The following AFG2A variants were observed in gnomAD, a reference collection of about 807,000 sequenced individuals.
AFG2A encodes the protein AAA ATPase AFG2A, also known as ATPase family gene 2 protein homolog A.
the AFG2A span, among the ~76,000 whole-genome samples, chr4:122,925,052 C>T: frequency 6.6e-6 from 1 of 152,146 alleles, no homozygotes; most frequent in Non-Finnish European, 1.5e-5. Flanking sequence ...ACTTCATGAG[C>T]CCGTTATTTC....
chr4:123,218,855 C>A, the AFG2A span, among the ~76,000 whole-genome samples: 1 of 152,130 alleles, frequency 6.6e-6, no homozygotes, highest in Non-Finnish European at 1.5e-5. Flanking sequence ...TGTCTGTATG[C>A]TGGAGAATAG....
chr4:123,151,502 G>A, the AFG2A span, among the ~76,000 whole-genome samples: 1 of 152,040 alleles, frequency 6.6e-6, no homozygotes, highest in African/African-American at 2.4e-5. Context: ...AAAGAAAGAC[G>A]TTTATGCAAC....
the AFG2A span, among the ~76,000 whole-genome samples, chr4:123,111,317 T>C: frequency 1.3e-5 from 2 of 152,228 alleles, no homozygotes; most frequent in African/African-American, 2.4e-5. Flanking sequence ...CTGAGTAGCA[T>C]AGACCCATAT....
chr4:122,947,588 G>T, the AFG2A span: 2 of 1,301,102 alleles, frequency 1.5e-6, no homozygotes, highest in African/African-American at 1.5e-5. Context: ...AATGGAAGTA[G>T]CTTTGTTTCT....
At chr4:123,253,613 G>A in the AFG2A span, among the ~76,000 whole-genome samples, 5 of 152,116 alleles carry the variant, frequency 3.3e-5, no homozygotes, top group African/African-American at 4.8e-5. Context: ...TCACATCACT[G>A]CACTCTAGCC....
chr4:123,290,607 G>A, the AFG2A span, among the ~76,000 whole-genome samples: 1 of 152,174 alleles, frequency 6.6e-6, no homozygotes, highest in Non-Finnish European at 1.5e-5. Flanking sequence ...TGGCTGAGGA[G>A]GCCTCACAAT....
the AFG2A span, among the ~76,000 whole-genome samples, chr4:123,284,967 G>A: frequency 6.6e-6 from 1 of 152,122 alleles, no homozygotes; most frequent in East Asian, 1.9e-4. Context: ...TGGATAGTGT[G>A]TTCCTTTTTA....
the AFG2A span, among the ~76,000 whole-genome samples, chr4:123,278,227 A>G: frequency 6.6e-6 from 1 of 152,248 alleles, no homozygotes; most frequent in Non-Finnish European, 1.5e-5. Context: ...AGTTTATTCT[A>G]GATCTTCTAG....
chr4:123,092,384 C>T, the AFG2A span, among the ~76,000 whole-genome samples: 3 of 152,234 alleles, frequency 2.0e-5, no homozygotes, highest in South Asian at 2.1e-4. Flanking sequence ...TTTGTCACTA[C>T]GGCTTAATCT....
the AFG2A span, among the ~76,000 whole-genome samples, chr4:123,288,887 A>C: frequency 6.6e-6 from 1 of 152,126 alleles, no homozygotes; most frequent in Non-Finnish European, 1.5e-5. Flanking sequence ...CAGGGTATTT[A>C]ATCAGTTTCA....
At chr4:123,261,211 G>A in the AFG2A span, among the ~76,000 whole-genome samples, 1 of 152,108 alleles carries the variant, frequency 6.6e-6, no homozygotes, top group Admixed American at 6.5e-5. Context: ...ACTGCCCTAT[G>A]AAAACATGCT....
At chr4:123,207,306 T>TA in the AFG2A span, among the ~76,000 whole-genome samples, 11 of 145,278 alleles carry the variant, frequency 7.6e-5, no homozygotes, top group African/African-American at 2.6e-4. Context: ...TTTTTTTTTT[T>TA]GTGAGACACG....
chr4:123,083,664 C>CT, the AFG2A span, among the ~76,000 whole-genome samples: 1 of 150,268 alleles, frequency 6.7e-6, no homozygotes, highest in Admixed American at 6.7e-5. Flanking sequence ...GAACTCTGGG[C>CT]TAATGTAATC....
At chr4:122,926,893 G>T in the AFG2A span, among the ~76,000 whole-genome samples, 1 of 152,126 alleles carries the variant, frequency 6.6e-6, no homozygotes, top group Non-Finnish European at 1.5e-5. Flanking sequence ...CTGCTTCAAA[G>T]CAGTATACAA....
the AFG2A span, among the ~76,000 whole-genome samples, chr4:123,057,589 T>C: frequency 6.6e-6 from 1 of 152,172 alleles, no homozygotes; most frequent in Admixed American, 6.5e-5. Flanking sequence ...ATTAGGGTTA[T>C]TGTAAACATA....
the AFG2A span, among the ~76,000 whole-genome samples, chr4:123,157,978 C>T: frequency 9.2e-5 from 14 of 152,104 alleles, no homozygotes; most frequent in Admixed American, 2.6e-4. Flanking sequence ...TCCCCATACG[C>T]ACATATACCA....
the AFG2A span, among the ~76,000 whole-genome samples, chr4:123,018,723 TC>T: frequency 6.6e-6 from 1 of 151,890 alleles, no homozygotes; most frequent in Non-Finnish European, 1.5e-5. Flanking sequence ...AACCTCCGCC[TC>T]CCAGGTTCAA....
At chr4:123,248,075 A>C in the AFG2A span, among the ~76,000 whole-genome samples, 4,322 of 151,670 alleles carry the variant, frequency 0.028, 184 homozygotes, top group African/African-American at 0.088. Flanking sequence ...TTTGCACACA[A>C]AAAAAAAATT....
the AFG2A span, among the ~76,000 whole-genome samples, chr4:123,075,829 T>G: frequency 6.6e-6 from 1 of 151,836 alleles, no homozygotes; most frequent in East Asian, 2.0e-4. Context: ...TGGTGGCACA[T>G]GCCTGTAATC....
Sources: allele counts gnomAD v4.1 joint callset (sites outside exome capture counted in the v4.1 genomes callset), GRCh38; gene constraint gnomAD v4.1.1; transcripts MANE v1.5; gene names NCBI Gene and HGNC (gene_info 2026-07-23, HGNC 2026-07-21).